The following JKAMP variants were observed in gnomAD, a reference collection of about 807,000 sequenced individuals.
The protein encoded by JKAMP is JNK1/MAPK8 associated membrane protein, also known as JNK1/MAPK8-associated membrane protein.
In JKAMP, 20 loss-of-function variants were observed where a neutral mutation model predicts 40.2. That is an observed-to-expected ratio of 0.50 (90% CI 0.35 to 0.72). The LOEUF (loss-of-function observed/expected upper bound fraction) is 0.72. Ranked by LOEUF, JKAMP falls within the 30% of genes least tolerant of loss-of-function variation. The pLI is 0.01. For missense variants in JKAMP, 276 were observed against 373.0 expected, an observed-to-expected ratio of 0.74 and a Z score of 2.14; for synonymous variants, 138 against 131.6, an observed-to-expected ratio of 1.05 and a Z score of -0.33.
chr14:59,495,470 A>G (rs1028480034), intron 4 of JKAMP, among the ~76,000 whole-genome samples: 2 of 152,180 alleles, frequency 1.3e-5, no homozygotes, highest in Non-Finnish European at 2.9e-5. Context: ...GATACCATAT[A>G]ACTTACATAT....
At chr14:59,502,755 T>TGTTTTGTTTTGTTTTGTTTTG (rs67189643) in intron 6 of JKAMP, among the ~76,000 whole-genome samples, 8 of 122,952 alleles carry the variant, frequency 6.5e-5, no homozygotes, top group South Asian at 2.7e-4. Flanking sequence ...ATGAGATTTT[T>TGTTTTGTTTTGTTTTGTTTTG]TTTTTTTTTT....
Position 59,504,130 on chromosome 14 carries a change from A to G in JKAMP, c.*58A>G. 1 of 989,082 alleles carries G rather than the reference A, an allele frequency of 1.0e-6. No homozygotes were observed. The highest frequency in any genetic ancestry group is 1.6e-6 in the Non-Finnish European group (1 of 627,712). The allele number at this position is 989,082 out of a possible 1,614,324, so 61.3% of individuals were successfully genotyped here. On this transcript the variant is annotated 3_prime_UTR_variant, in exon 7 of 7. Coordinates refer to ENST00000616435, the MANE Select transcript of JKAMP (RefSeq NM_016475.5). ...AGTGCTCCTAATAAAAAAGTAAATC[A>G]ATCTTAACAGTGTATGAGAACTATT...
intron 1 of JKAMP, chr14:59,485,204 A>C: frequency 1.4e-6 from 2 of 1,419,390 alleles, no homozygotes; most frequent in East Asian, 2.3e-5. Context: ...ATTGATATTC[A>C]CGTGTATTTA....
Position 59,484,543 on chromosome 14 carries a change from C to T in JKAMP, c.-47C>T, listed in dbSNP as rs761675018. The T allele has an allele frequency of 7.7e-6, 12 of 1,562,398 alleles. No individual in the cohort carries two copies. The highest frequency in any genetic ancestry group is 3.8e-5 in the Admixed American group (2 of 52,236). ...TGGCCCGGATGTTCGGTGCAGCTGC[C>T]AGATCCGCTGATCTAGTGCTTCTCG... On this transcript the variant is annotated 5_prime_UTR_variant, in exon 1 of 7. Transcript: ENST00000616435.
intron 1 of JKAMP, chr14:59,485,071 A>G (rs1890424777): frequency 6.3e-7 from 1 of 1,598,484 alleles, no homozygotes; most frequent in Non-Finnish European, 8.5e-7. Flanking sequence ...GCTAAAGGAA[A>G]TGAAAGGAGA....
At position 59,484,566 on chromosome 14, in the gene JKAMP, T is replaced by C. The variant is rs1374034156; in HGVS notation, c.-24T>C. Reference sequence around the variant, plus strand: ...GCCAGATCCGCTGATCTAGTGCTTCTCGAAAAAAACCTTCAGGCGGCCCAT... The same window carrying C: ...GCCAGATCCGCTGATCTAGTGCTTCCCGAAAAAAACCTTCAGGCGGCCCAT... On this transcript the variant is annotated 5_prime_UTR_variant, in exon 1 of 7. Transcript: ENST00000616435. The C allele has an allele frequency of 3.8e-6, 6 of 1,571,876 alleles. No individual in the cohort carries two copies. The East Asian group carries it at 9.4e-5, about 25-fold the overall frequency.
chr14:59,505,235 T>C lies in JKAMP; in HGVS notation c.*1163T>C. ...TTTGAATTCACAGCAGTTGTATCCT[T>C]GAGTTACTTTGTTAATGTATTTTTC... is the stretch of plus-strand genomic sequence containing the variant. On this transcript the variant is annotated 3_prime_UTR_variant, in exon 7 of 7. Coordinates refer to ENST00000616435, the MANE Select transcript of JKAMP (RefSeq NM_016475.5). 2 of 1,449,340 alleles carry C rather than the reference T, an allele frequency of 1.4e-6. No homozygotes were observed. Among genetic ancestry groups the C allele is most frequent in the South Asian group, 1.3e-5 (1 of 76,190 alleles). 89.8% of individuals were successfully genotyped at this position (1,449,340 alleles called of 1,614,324 possible). A position where few individuals can be genotyped will look rare whatever the true frequency, so the allele number is the denominator to read the frequency against.
In JKAMP at chr14:59,484,522, C is replaced by T; in HGVS notation, c.-68C>T. On this transcript the variant is annotated 5_prime_UTR_variant, in exon 1 of 7. Transcript: ENST00000616435. ...GCGGAGCCGCCGAGCTCGCTGTGGCCCGGATGTTCGGTGCAGCTGCCAGAT... is the reference window on the plus strand; with the variant it reads ...GCGGAGCCGCCGAGCTCGCTGTGGCTCGGATGTTCGGTGCAGCTGCCAGAT... 1 of 1,548,884 alleles carries T rather than the reference C, an allele frequency of 6.5e-7. No homozygotes were observed. Among genetic ancestry groups the T allele is most frequent in the Non-Finnish European group, 8.7e-7 (1 of 1,143,450 alleles).
intron 3 of JKAMP, among the ~76,000 whole-genome samples, chr14:59,490,122 A>G (rs367729306): frequency 1.3e-5 from 2 of 151,852 alleles, no homozygotes; most frequent in Non-Finnish European, 2.9e-5. Flanking sequence ...GGGTCTCTCT[A>G]TGTTGCCCAG....
At chr14:59,494,086 A>T (rs575953033) in intron 3 of JKAMP, among the ~76,000 whole-genome samples, 2 of 151,198 alleles carry the variant, frequency 1.3e-5, no homozygotes, top group South Asian at 2.1e-4. Flanking sequence ...ATAAATGTGA[A>T]AAGCAAAACC....
Position 59,484,533 on chromosome 14 carries a change from G to T in JKAMP, c.-57G>T. 6.4e-7 allele frequency: 1 copy of T among 1,558,164 alleles called. No homozygotes were observed. Among genetic ancestry groups the T allele is most frequent in the Non-Finnish European group, 8.7e-7 (1 of 1,150,508 alleles). On this transcript the variant is annotated 5_prime_UTR_variant, in exon 1 of 7. Transcript: ENST00000616435. ...GAGCTCGCTGTGGCCCGGATGTTCG[G>T]TGCAGCTGCCAGATCCGCTGATCTA...
intron 6 of JKAMP, 139 bp from the exon 7 acceptor site, chr14:59,503,715 T>A: frequency 1.6e-6 from 1 of 615,316 alleles, no homozygotes. Context: ...GAGTGATTTC[T>A]TAAGTCTTTT....
intron 5 of JKAMP, among the ~76,000 whole-genome samples, chr14:59,499,417 T>C (rs1021626906): frequency 1.3e-5 from 2 of 152,236 alleles, no homozygotes; most frequent in Non-Finnish European, 2.9e-5. Context: ...AAGTAGGGTC[T>C]TAGGTTTCTA....
Position 59,504,158 on chromosome 14 carries a change from A to G in JKAMP, c.*86A>G, listed in dbSNP as rs1455686205. On this transcript the variant is annotated 3_prime_UTR_variant, in exon 7 of 7. Transcript: ENST00000616435. ...CTTAACAGTGTATGAGAACTATTCT[A>G]TCATATATGGGAACAAGATTGTCAG... 2.9e-5 allele frequency: 22 copies of G among 752,144 alleles called. No individual in the cohort carries two copies. Among genetic ancestry groups the G allele is most frequent in the Admixed American group, 7.4e-5 (3 of 40,706 alleles). The allele number at this position is 752,144 out of a possible 1,614,324, so 46.6% of individuals were successfully genotyped here.
chr14:59,488,534 G>A (rs1314537570), intron 3 of JKAMP, among the ~76,000 whole-genome samples: 1 of 152,140 alleles, frequency 6.6e-6, no homozygotes, highest in Non-Finnish European at 1.5e-5. Context: ...GTGATCTGTG[G>A]TAGGCAGGAA....
rs2139911928 is a variant in JKAMP, at chr14:59,501,218, T to C, written c.668T>C (p.Val223Ala). The C allele has an allele frequency of 6.2e-7, 1 of 1,603,734 alleles. No individual in the cohort carries two copies. The change falls in exon 6 of 7, where the codon GTG (valine) becomes GCG (alanine). Residue 223 changes from valine (V) to alanine (A), a missense_variant. By Grantham distance (64) the Val-to-Ala change is moderately conservative (BLOSUM62 0). Coordinates refer to ENST00000616435, the MANE Select transcript of JKAMP (RefSeq NM_016475.5). ...TACGCCTTCCCATACATTATATTAG[T>C]GTTATCTTTGGTTACTCTGGCTGTG... The part of the protein sequence containing the change: ...LYYAFPYIIL[V>A]LSLVTLAVYM...
At chr14:59,496,095 G>A (rs574647265) in intron 4 of JKAMP, among the ~76,000 whole-genome samples, 98 of 152,220 alleles carry the variant, frequency 6.4e-4, no homozygotes, top group African/African-American at 2.3e-3. Context: ...GTAGAGAGAC[G>A]GGGTTTTGCC....
intron 4 of JKAMP, among the ~76,000 whole-genome samples, chr14:59,496,035 C>T (rs1891416613): frequency 6.6e-6 from 1 of 152,166 alleles, no homozygotes; most frequent in African/African-American, 2.4e-5. Context: ...TCCCAAGTAG[C>T]TGGGATTACA....
In JKAMP at chr14:59,504,220, A is replaced by C. The variant is rs1402895087; in HGVS notation, c.*148A>C. ...GTTTGGGTTTGTCTTTGTTTTGTTT[A>C]TGGTTAGACTTACAGACTTGGAAAA... On this transcript the variant is annotated 3_prime_UTR_variant, in exon 7 of 7. Coordinates refer to ENST00000616435, the MANE Select transcript of JKAMP (RefSeq NM_016475.5). 1.6e-6 allele frequency: 1 copy of C among 621,564 alleles called. No individual in the cohort carries two copies. Among genetic ancestry groups the C allele is most frequent in the Admixed American group, 2.9e-5 (1 of 34,346 alleles). 38.5% of individuals were successfully genotyped at this position (621,564 alleles called of 1,614,324 possible). A position where few individuals can be genotyped will look rare whatever the true frequency, so the allele number is the denominator to read the frequency against.
Sources: gnomAD v4.1 joint callset for allele counts (sites outside exome capture counted in the v4.1 genomes callset) on GRCh38, gnomAD v4.1.1 for gene constraint, MANE v1.5 for transcripts, NCBI Gene and HGNC (gene_info 2026-07-23, HGNC 2026-07-21) for gene names.